C3orf18: variants seen among roughly 807,000 people sequenced by gnomAD.
The protein encoded by C3orf18 is chromosome 3 open reading frame 18.
Under a neutral mutation model 14.1 loss-of-function variants are expected in C3orf18, and 12 were observed. That is an observed-to-expected ratio of 0.85 (90% CI 0.55 to 1.38). The LOEUF is 1.38. Among genes scored for constraint, C3orf18 ranks in the 40% most tolerant of loss-of-function variants. The probability of loss-of-function intolerance (pLI) is 0.00; values close to 1 mark genes in which losing one functional copy is unlikely to be tolerated. For synonymous variants in C3orf18, 82 were observed against 87.9 expected (o/e 0.93, Z 0.38); for missense variants, 196 against 213.9 (o/e 0.92, Z 0.52).
rs891490870 is a variant in C3orf18, at chr3:50,560,953, T to C, written c.372A>G (p.Val124=). Residue 124 remains valine, a synonymous_variant, in exon 5 of 6, where the codon GTA becomes GTG. Coordinates refer to ENST00000357203, the MANE Select transcript of C3orf18 (RefSeq NM_016210.5). ...LLEHGRDAAS[V]QAATSVQAMQ... is the part of the protein sequence containing the mutation. ...TGGCCTGCACAGAAGTAGCAGCCTG[T>C]ACAGAGGCGGCGTCCCGCCCATGCT... The C allele has an allele frequency of 1.1e-5, 18 of 1,614,006 alleles. No individual in the cohort carries two copies. The highest frequency in any genetic ancestry group is 1.7e-4 in the Middle Eastern group (1 of 5,992).
Position 50,559,696 on chromosome 3 carries a change from C to T in C3orf18, c.450G>A (p.Arg150=). ...CATTGGCCACATCGGTAAACACCAG[C>T]CGGCTGGGTCTCTGCAGTGGGCCCT... ...PSQGPLQRPS[R]LVFTDVANAI... is the part of the protein sequence containing the mutation. The change falls in exon 6 of 6, where the codon CGG becomes CGA. Residue 150 remains arginine, a synonymous_variant. Coordinates refer to ENST00000357203, the MANE Select transcript of C3orf18 (RefSeq NM_016210.5). 6.3e-7 allele frequency: 1 copy of T among 1,596,156 alleles called. No homozygotes were observed. The highest frequency in any genetic ancestry group is 8.5e-7 in the Non-Finnish European group (1 of 1,171,176).
chr3:50,572,250 G>A, upstream of C3orf18: 1 of 1,568,474 alleles, frequency 6.4e-7, no homozygotes, highest in Non-Finnish European at 8.7e-7. Context: ...GGATGATGGT[G>A]GAGTTCAGGG....
upstream of C3orf18, chr3:50,571,002 C>T (rs150712279): frequency 2.7e-4 from 227 of 842,882 alleles, no homozygotes; most frequent in African/African-American, 3.8e-3. Flanking sequence ...TCCATCTCCA[C>T]CCAGCTGGGT....
At chr3:50,567,030 T>C (rs1700349514) in intron 1 of C3orf18, among the ~76,000 whole-genome samples, 2 of 152,168 alleles carry the variant, frequency 1.3e-5, no homozygotes, top group African/African-American at 4.8e-5. Context: ...TGTAAACACC[T>C]CTGATGGTCC....
intron 4 of C3orf18, 29 bp downstream of exon 4, chr3:50,561,693 G>A (rs1699977518): frequency 6.2e-7 from 1 of 1,611,900 alleles, no homozygotes; most frequent in Non-Finnish European, 8.5e-7. Flanking sequence ...CAAGTTTTGG[G>A]TGGGATTTGG....
upstream of C3orf18, among the ~76,000 whole-genome samples, chr3:50,573,352 C>T (rs1701231358): frequency 6.6e-6 from 1 of 152,244 alleles, no homozygotes; most frequent in African/African-American, 2.4e-5. Flanking sequence ...CTGCCACCTG[C>T]AGACTTTGGG....
At chr3:50,568,725 C>CAAAAAAAAAAAAAAAA (rs66828816), upstream of C3orf18, among the ~76,000 whole-genome samples, 6 of 83,990 alleles carry the variant, frequency 7.1e-5, no homozygotes, top group Admixed American at 1.1e-4. Context: ...AACTCCGTCT[C>CAAAAAAAAAAAAAAAA]AAAAAAAAAA....
chr3:50,569,827 G>C (rs946458582), upstream of C3orf18: 3 of 152,176 alleles, frequency 2.0e-5, no homozygotes, highest in Admixed American at 1.3e-4. Flanking sequence ...TGTCTTGCCT[G>C]GGACAGTCTT....
At position 50,560,969 on chromosome 3, in the gene C3orf18, C is replaced by T. The variant is rs140626565; in HGVS notation, c.356G>A (p.Arg119Gln). 43 of 1,614,148 alleles carry T rather than the reference C, an allele frequency of 2.7e-5. No homozygotes were observed. Among genetic ancestry groups the T allele is most frequent in the East Asian group, 1.1e-4 (5 of 44,878 alleles). The change falls in exon 5 of 6, where the codon CGG becomes CAG. Residue 119 changes from arginine (R) to glutamine (Q), a missense_variant. Arg to Gln is a conservative substitution (Grantham distance 43, BLOSUM62 1). Transcript: ENST00000357203. Reference sequence around the variant, plus strand: ...AGCAGCCTGTACAGAGGCGGCGTCCCGCCCATGCTCCAGCAGCTCCTGCTC... The same window carrying T: ...AGCAGCCTGTACAGAGGCGGCGTCCTGCCCATGCTCCAGCAGCTCCTGCTC... ...ELEQELLEHG[R>Q]DAASVQAATS...
chr3:50,572,106 C>G (rs1701047409), upstream of C3orf18: 1 of 1,613,846 alleles, frequency 6.2e-7, no homozygotes, highest in South Asian at 1.1e-5. Flanking sequence ...CCAGCTGCCC[C>G]CTCTGCAGGA....
intron 3 of C3orf18, among the ~76,000 whole-genome samples, chr3:50,564,908 C>A (rs1234855060): frequency 6.6e-6 from 1 of 152,216 alleles, no homozygotes; most frequent in Admixed American, 6.5e-5. Flanking sequence ...CCCATCAGGA[C>A]TCTCCACTTG....
upstream of C3orf18, chr3:50,572,007 G>C: frequency 1.9e-6 from 3 of 1,545,180 alleles, no homozygotes; most frequent in Non-Finnish European, 2.6e-6. Flanking sequence ...AGGCCCTGGA[G>C]ACATGGTCTT....
Position 50,558,646 on chromosome 3 carries a change from C to G in C3orf18, c.*1011G>C. 2 of 1,254,588 alleles carry G rather than the reference C, an allele frequency of 1.6e-6. No individual in the cohort carries two copies. Among genetic ancestry groups the G allele is most frequent in the Non-Finnish European group, 2.1e-6 (2 of 968,262 alleles). 77.7% of individuals were successfully genotyped at this position (1,254,588 alleles called of 1,614,324 possible). The stretch of plus-strand genomic sequence containing the variant: ...TACTGCCCTCAGACCAACAGCCTCT[C>G]CCAACCCCAGATCCTCATTAGAGCC... On this transcript the variant is annotated 3_prime_UTR_variant, in exon 6 of 6. Coordinates refer to ENST00000357203, the MANE Select transcript of C3orf18 (RefSeq NM_016210.5).
In C3orf18 at chr3:50,559,722, G is replaced by A. The variant is rs1226969855; in HGVS notation, c.424C>T (p.Gln142Ter). 3 of 1,592,080 alleles carry A rather than the reference G, an allele frequency of 1.9e-6. No individual in the cohort carries two copies. The highest frequency in any genetic ancestry group is 2.6e-6 in the Non-Finnish European group (3 of 1,168,976). The part of the protein sequence containing the change: ...AMQGKTTLPS[Q>*]GPLQRPSRLV... The stretch of plus-strand genomic sequence containing the variant: ...CGGCTGGGTCTCTGCAGTGGGCCCT[G>A]GGAGGGCAGAGTAGTCTGCAGGAAG... The change falls in exon 6 of 6, where the codon CAG (glutamine) becomes TAG (stop). Residue 142 changes from glutamine to a stop codon, truncating the protein, a stop_gained. Transcript: ENST00000357203. LOFTEE classifies it high-confidence loss of function.
intron 4 of C3orf18, 89 bp from the exon 5 acceptor site, chr3:50,561,153 C>T (rs1699943750): frequency 1.4e-6 from 2 of 1,402,334 alleles, no homozygotes; most frequent in East Asian, 4.6e-5. Flanking sequence ...CTAGCTGAGC[C>T]ACAGCACACA....
In C3orf18 at chr3:50,561,062, A is replaced by T; in HGVS notation, c.263T>A (p.Leu88Gln). 1.2e-6 allele frequency: 2 copies of T among 1,613,802 alleles called. No homozygotes were observed. The highest frequency in any genetic ancestry group is 1.7e-6 in the Non-Finnish European group (2 of 1,179,820). The change falls in exon 5 of 6, where the codon CTG becomes CAG. Residue 88 changes from leucine (L) to glutamine (Q), a missense_variant and splice_region_variant. Leu to Gln is a moderately radical substitution (Grantham distance 113, BLOSUM62 -2). Coordinates refer to ENST00000357203, the MANE Select transcript of C3orf18 (RefSeq NM_016210.5). ...CATGAGCTGGTGGCGTAGCTTCTCC[A>T]GCCTGGGGATGGGGGCAAAGGCTGC... ...LVLYIRKKKR[L>Q]EKLRHQLMPM...
upstream of C3orf18, among the ~76,000 whole-genome samples, chr3:50,573,994 C>T (rs941372945): frequency 6.6e-6 from 1 of 152,208 alleles, no homozygotes; most frequent in Non-Finnish European, 1.5e-5. Context: ...GCAATGCCAC[C>T]TCCCTGGGTC....
chr3:50,558,691 C>T lies in C3orf18; in HGVS notation c.*966G>A. ...AGAGCCCAAGACAGGGAGCCGTTTT[C>T]AGAAGCAGGTGAGCCCAGTGAAACA... is the stretch of plus-strand genomic sequence containing the variant. On this transcript the variant is annotated 3_prime_UTR_variant, in exon 6 of 6. Transcript: ENST00000357203. 1 of 1,286,394 alleles carries T rather than the reference C, an allele frequency of 7.8e-7. No homozygotes were observed. The highest frequency in any genetic ancestry group is 1.0e-6 in the Non-Finnish European group (1 of 986,378). The allele number at this position is 1,286,394 out of a possible 1,614,324, so 79.7% of individuals were successfully genotyped here.
intron 1 of C3orf18, among the ~76,000 whole-genome samples, chr3:50,566,478 C>G (rs986179077): frequency 6.6e-6 from 1 of 151,864 alleles, no homozygotes; most frequent in Non-Finnish European, 1.5e-5. Context: ...AGACTTAGCT[C>G]AGCACAACCC....
Sources: allele counts gnomAD v4.1 joint callset (sites outside exome capture counted in the v4.1 genomes callset), GRCh38; gene constraint gnomAD v4.1.1; transcripts MANE v1.5; gene names NCBI Gene and HGNC (gene_info 2026-07-23, HGNC 2026-07-21).